Variants in KIAA1671 observed in about 807,000 individuals in gnomAD.
The protein encoded by KIAA1671 is uncharacterized protein KIAA1671.
KIAA1671 carries 52 observed loss-of-function variants against 131.2 expected under a neutral mutation model. That is an observed-to-expected ratio of 0.40 (90% CI 0.32 to 0.50). The LOEUF (loss-of-function observed/expected upper bound fraction) is 0.50. Among genes scored for constraint, KIAA1671 ranks in the 20% least tolerant of loss-of-function variants. The pLI is 0.73. For missense variants in KIAA1671, 2,360 were observed against 2,364.2 expected, an observed-to-expected ratio of 1.00 and a Z score of 0.04; for synonymous variants, 1,003 against 961.6, an observed-to-expected ratio of 1.04 and a Z score of -0.80.
At chr22:25,101,598 C>A (rs1360064297) in intron 6 of KIAA1671, among the ~76,000 whole-genome samples, 4 of 152,158 alleles carry the variant, frequency 2.6e-5, no homozygotes, top group Middle Eastern at 6.3e-3. Context: ...AGGAAATAAT[C>A]TTGGGCTTGG....
At chr22:25,006,884 T>A (rs1477124743) in intron 1 of KIAA1671, among the ~76,000 whole-genome samples, 1 of 152,222 alleles carries the variant, frequency 6.6e-6, no homozygotes, top group East Asian at 1.9e-4. Context: ...CAGGATAATC[T>A]TCCTGTCTCA....
intron 6 of KIAA1671, among the ~76,000 whole-genome samples, chr22:25,156,697 A>G (rs1246976323): frequency 6.6e-6 from 1 of 152,162 alleles, no homozygotes; most frequent in Non-Finnish European, 1.5e-5. Flanking sequence ...TTGTGTGTAT[A>G]TACATGTATG....
chr22:25,153,125 G>A (rs999550605), intron 6 of KIAA1671, among the ~76,000 whole-genome samples: 1 of 152,084 alleles, frequency 6.6e-6, no homozygotes, highest in Non-Finnish European at 1.5e-5. Flanking sequence ...TATATCAATA[G>A]TATATCTGTA....
chr22:25,114,379 C>T (rs988341147), intron 6 of KIAA1671, among the ~76,000 whole-genome samples: 1 of 152,260 alleles, frequency 6.6e-6, no homozygotes, highest in Non-Finnish European at 1.5e-5. Context: ...CACACAGAAT[C>T]TGCACACTTG....
At chr22:24,985,681 C>T (rs539000852) in intron 1 of KIAA1671, among the ~76,000 whole-genome samples, 4 of 151,258 alleles carry the variant, frequency 2.6e-5, no homozygotes, top group Admixed American at 6.6e-5. Context: ...GTCTCAGCGC[C>T]TTTTGAGGGA....
intron 6 of KIAA1671, among the ~76,000 whole-genome samples, chr22:25,170,237 A>G (rs1017797712): frequency 1.3e-5 from 2 of 152,122 alleles, no homozygotes; most frequent in African/African-American, 4.8e-5. Flanking sequence ...TTAAGCCTCA[A>G]TTTTATCATC....
intron 6 of KIAA1671, among the ~76,000 whole-genome samples, chr22:25,107,935 T>C (rs534915160): frequency 9.9e-5 from 15 of 151,926 alleles, no homozygotes; most frequent in African/African-American, 2.9e-4. Flanking sequence ...TTGAACCCAG[T>C]GGGAAGAGGT....
chr22:25,095,323 A>G (rs189063640), intron 6 of KIAA1671, among the ~76,000 whole-genome samples: 1 of 152,326 alleles, frequency 6.6e-6, no homozygotes, highest in African/African-American at 2.4e-5. Flanking sequence ...GGGAGCAAAA[A>G]ACAATAAAAA....
chr22:25,021,159 G>A (rs1370281043), intron 1 of KIAA1671, among the ~76,000 whole-genome samples: 1 of 152,052 alleles, frequency 6.6e-6, no homozygotes, highest in East Asian at 1.9e-4. Flanking sequence ...CAGCCTCCCC[G>A]GCTCAGACAA....
chr22:25,140,121 G>A (rs1395754812), intron 6 of KIAA1671, among the ~76,000 whole-genome samples: 1 of 152,258 alleles, frequency 6.6e-6, no homozygotes, highest in African/African-American at 2.4e-5. Flanking sequence ...TCCGGGTGTT[G>A]GCTGGGCTGC....
intron 1 of KIAA1671, among the ~76,000 whole-genome samples, chr22:24,972,926 C>T (rs1922702237): frequency 6.6e-6 from 1 of 152,122 alleles, no homozygotes; most frequent in Admixed American, 6.6e-5. Context: ...GATGGGGTGG[C>T]TAGGGGAGGG....
chr22:25,032,546 T>C (rs1926351567), intron 3 of KIAA1671, 63 bp from the exon 4 acceptor site: 1 of 1,018,952 alleles, frequency 9.8e-7, no homozygotes, highest in Non-Finnish European at 1.5e-6. Context: ...CCTGAGCTGG[T>C]GTGTGGGCTG....
intron 1 of KIAA1671, among the ~76,000 whole-genome samples, chr22:24,983,258 C>G (rs1009042703): frequency 1.3e-5 from 2 of 152,206 alleles, no homozygotes; most frequent in African/African-American, 4.8e-5. Flanking sequence ...TTCCGACTTT[C>G]TTGAGGCTAA....
At chr22:25,134,932 G>A (rs940001714) in intron 6 of KIAA1671, among the ~76,000 whole-genome samples, 4 of 152,120 alleles carry the variant, frequency 2.6e-5, no homozygotes, top group African/African-American at 9.7e-5. Flanking sequence ...ACCATGTCAC[G>A]TAGCAGACAC....
chr22:25,084,029 G>A (rs1929556663), intron 6 of KIAA1671, among the ~76,000 whole-genome samples: 1 of 152,236 alleles, frequency 6.6e-6, no homozygotes, highest in African/African-American at 2.4e-5. Context: ...ACAAAGCGGC[G>A]GCCTGCCACG....
chr22:25,047,023 TGTA>T (rs1927274270), intron 5 of KIAA1671, among the ~76,000 whole-genome samples: 1 of 149,566 alleles, frequency 6.7e-6, no homozygotes, highest in Non-Finnish European at 1.5e-5. Flanking sequence ...CAGGCTGGAG[TGTA>T]GTAGTGAGAT....
chr22:25,037,607 C>T (rs1013111435), intron 4 of KIAA1671, among the ~76,000 whole-genome samples: 13 of 152,038 alleles, frequency 8.6e-5, no homozygotes, highest in African/African-American at 2.9e-4. Context: ...CTATCTAGTT[C>T]CAGAATCTTC....
intron 6 of KIAA1671, among the ~76,000 whole-genome samples, chr22:25,137,142 G>A (rs1259584692): frequency 6.6e-6 from 1 of 152,222 alleles, no homozygotes; most frequent in Non-Finnish European, 1.5e-5. Flanking sequence ...GATTCTCTGA[G>A]ATTATCTAAG....
At chr22:25,109,895 A>C (rs1211276705) in intron 6 of KIAA1671, 1 of 152,140 alleles carries the variant, frequency 6.6e-6, no homozygotes, top group Non-Finnish European at 1.5e-5. Flanking sequence ...AGGCAGGTGG[A>C]TCGCTTGAGT....
Sources: allele counts gnomAD v4.1 joint callset (sites outside exome capture counted in the v4.1 genomes callset), GRCh38; gene constraint gnomAD v4.1.1; transcripts MANE v1.5; gene names NCBI Gene and HGNC (gene_info 2026-07-23, HGNC 2026-07-21).